Variants in DOK6 observed in about 807,000 individuals in gnomAD.
The protein encoded by DOK6 is docking protein 6.
Under a neutral mutation model 44.0 loss-of-function variants are expected in DOK6, and 22 were observed. The observed-to-expected ratio is 0.50, with a 90% CI of 0.36 to 0.71. DOK6 has a LOEUF of 0.71. DOK6 is among the 30% of genes least tolerant of loss of function. DOK6 has a pLI of 0.00. For synonymous variants in DOK6, 166 were observed against 145.5 expected (o/e 1.14, Z -1.01); for missense variants, 340 against 416.4 (o/e 0.82, Z 1.60).
chr18:69,617,714 A>G (rs1181293668), intron 3 of DOK6, among the ~76,000 whole-genome samples: 1 of 99,246 alleles, frequency 1.0e-5, no homozygotes, highest in Non-Finnish European at 2.5e-5. Flanking sequence ...GAGAAAAGAA[A>G]GAAAGAAAGA....
At chr18:69,653,809 A>G (rs1211331343) in intron 3 of DOK6, among the ~76,000 whole-genome samples, 1 of 152,222 alleles carries the variant, frequency 6.6e-6, no homozygotes, top group Non-Finnish European at 1.5e-5. Flanking sequence ...TCCTCAAATT[A>G]TCGCTATAAT....
chr18:69,408,656 C>G (rs529457333), intron 1 of DOK6, among the ~76,000 whole-genome samples: 51 of 152,196 alleles, frequency 3.4e-4, no homozygotes, highest in African/African-American at 1.1e-3. Flanking sequence ...AAAAACTGTA[C>G]AGATTAATGG....
chr18:69,683,063 C>A (rs1225127715), intron 4 of DOK6, among the ~76,000 whole-genome samples: 2 of 152,032 alleles, frequency 1.3e-5, no homozygotes, highest in Admixed American at 1.3e-4. Flanking sequence ...CTGGGGTAAA[C>A]CATATTCACT....
rs1982240024 is a variant in DOK6, at chr18:69,842,054, T to C, written c.*671T>C. The C allele has an allele frequency of 6.6e-6, 1 of 151,238 alleles. No individual in the cohort carries two copies. Among genetic ancestry groups the C allele is most frequent in the Non-Finnish European group, 1.5e-5 (1 of 67,976 alleles). 9.4% of individuals were successfully genotyped at this position (151,238 alleles called of 1,614,324 possible). A position where few individuals can be genotyped will look rare whatever the true frequency, so the allele number is the denominator to read the frequency against. On this transcript the variant is annotated 3_prime_UTR_variant, in exon 8 of 8. Transcript: ENST00000382713. Reference sequence around the variant, plus strand: ...CAAACATGTGCTGAGGGTGACAGGATATGCTCACTTAAATTGTTGAAAACC... The same window carrying C: ...CAAACATGTGCTGAGGGTGACAGGACATGCTCACTTAAATTGTTGAAAACC...
chr18:69,449,219 G>T (rs926571482), intron 1 of DOK6, among the ~76,000 whole-genome samples: 1 of 152,132 alleles, frequency 6.6e-6, no homozygotes, highest in East Asian at 1.9e-4. Context: ...TCTACTTTTG[G>T]TATAATACTA....
chr18:69,841,501 GC>G lies in DOK6; in HGVS notation c.*122del. 2 of 1,381,152 alleles carry G rather than the reference GC, an allele frequency of 1.4e-6. No homozygotes were observed. The highest frequency in any genetic ancestry group is 1.6e-5 in the South Asian group (1 of 63,420). The allele number at this position is 1,381,152 out of a possible 1,614,324, so 85.6% of individuals were successfully genotyped here. A position where few individuals can be genotyped will look rare whatever the true frequency, so the allele number is the denominator to read the frequency against. ...TACAAATTGAAATGGGTCGGCTCTAGCCCCAGTCCCATTGGAAGGTTAAAAA... is the reference window on the plus strand; with the variant it reads ...TACAAATTGAAATGGGTCGGCTCTAGCCCAGTCCCATTGGAAGGTTAAAAA... On this transcript the variant is annotated 3_prime_UTR_variant, in exon 8 of 8. Transcript: ENST00000382713.
At chr18:69,708,435 G>A (rs1034599795) in intron 5 of DOK6, among the ~76,000 whole-genome samples, 1 of 152,110 alleles carries the variant, frequency 6.6e-6, no homozygotes, top group Non-Finnish European at 1.5e-5. Flanking sequence ...GTGAGAACCT[G>A]ATAAAAATAT....
chr18:69,475,940 C>G (rs949543506), intron 1 of DOK6, among the ~76,000 whole-genome samples: 2 of 152,090 alleles, frequency 1.3e-5, no homozygotes, highest in African/African-American at 4.8e-5. Context: ...AAGTTTGTTA[C>G]GTGGGTATAC....
intron 6 of DOK6, among the ~76,000 whole-genome samples, chr18:69,748,438 A>G (rs909096828): frequency 2.0e-5 from 3 of 152,112 alleles, no homozygotes; most frequent in African/African-American, 7.2e-5. Context: ...TCTTGGCACC[A>G]TGGCACTTAC....
At chr18:69,702,635 A>G (rs1986547757) in intron 5 of DOK6, among the ~76,000 whole-genome samples, 1 of 152,234 alleles carries the variant, frequency 6.6e-6, no homozygotes, top group South Asian at 2.1e-4. Context: ...GAAGGAATTA[A>G]TCAATGAATG....
At chr18:69,770,672 T>G (rs1422638112) in intron 7 of DOK6, among the ~76,000 whole-genome samples, 1 of 152,122 alleles carries the variant, frequency 6.6e-6, no homozygotes, top group Admixed American at 6.6e-5. Flanking sequence ...ATTAATGGGT[T>G]TAACTCGTGA....
chr18:69,554,852 T>A (rs1265715851), intron 1 of DOK6, among the ~76,000 whole-genome samples: 1 of 152,218 alleles, frequency 6.6e-6, no homozygotes, highest in Non-Finnish European at 1.5e-5. Context: ...TATCTTATTG[T>A]GCTTTTACTT....
intron 1 of DOK6, among the ~76,000 whole-genome samples, chr18:69,485,054 A>C (rs1980534694): frequency 6.6e-6 from 1 of 152,108 alleles, no homozygotes; most frequent in South Asian, 2.1e-4. Flanking sequence ...TTACAAATGC[A>C]TTGTAACGAG....
intron 1 of DOK6, 38 bp from the exon 2 acceptor site, chr18:69,564,449 A>G: frequency 3.2e-6 from 5 of 1,584,356 alleles, no homozygotes; most frequent in Non-Finnish European, 4.3e-6. Flanking sequence ...AAACTCATGT[A>G]AAAATATGGA....
intron 6 of DOK6, among the ~76,000 whole-genome samples, chr18:69,744,457 TC>T (rs1233080785): frequency 9.9e-5 from 15 of 151,900 alleles, no homozygotes; most frequent in Admixed American, 3.3e-4. Flanking sequence ...TGATTTTTTT[TC>T]TTTTTTTACT....
intron 5 of DOK6, among the ~76,000 whole-genome samples, chr18:69,713,405 A>AAAAG (rs1568341724): frequency 1.3e-5 from 2 of 152,202 alleles, no homozygotes; most frequent in Non-Finnish European, 2.9e-5. Flanking sequence ...ATTGTGGAAT[A>AAAAG]AGCTTCCTGC....
intron 2 of DOK6, among the ~76,000 whole-genome samples, chr18:69,590,045 C>T (rs1294438350): frequency 6.6e-6 from 1 of 151,994 alleles, no homozygotes; most frequent in East Asian, 1.9e-4. Context: ...AGAATAAATC[C>T]TATTCTTCAG....
chr18:69,546,165 TAC>T (rs1982398609), intron 1 of DOK6, among the ~76,000 whole-genome samples: 1 of 150,506 alleles, frequency 6.6e-6, no homozygotes, highest in African/African-American at 2.4e-5. Context: ...TAATCCCAGC[TAC>T]TTGGGAGGCT....
chr18:69,488,137 G>C (rs1444128652), intron 1 of DOK6, among the ~76,000 whole-genome samples: 1 of 152,040 alleles, frequency 6.6e-6, no homozygotes. Flanking sequence ...GTGTTTCTAT[G>C]ACCTCTTCTT....
Sources: gnomAD v4.1 joint callset for allele counts (sites outside exome capture counted in the v4.1 genomes callset) on GRCh38, gnomAD v4.1.1 for gene constraint, MANE v1.5 for transcripts, NCBI Gene and HGNC (gene_info 2026-07-23, HGNC 2026-07-21) for gene names.